Variants in ITGAV observed in about 807,000 individuals in gnomAD.
ITGAV encodes the protein integrin alpha-V.
Under a neutral mutation model 143.8 loss-of-function variants are expected in ITGAV, and 76 were observed. The observed-to-expected ratio is 0.53, with a 90% confidence interval of 0.44 to 0.64. The LOEUF (loss-of-function observed/expected upper bound fraction) is 0.64. Ranked by LOEUF, ITGAV falls within the 30% of genes least tolerant of loss-of-function variation. ITGAV has a pLI of 0.00. For synonymous variants in ITGAV, 453 were observed against 446.7 expected (o/e 1.01, Z -0.18); for missense variants, 1,193 against 1,274.7 (o/e 0.94, Z 0.98).
chr2:186,671,337 A>G (rs985224836), intron 26 of ITGAV, among the ~76,000 whole-genome samples: 6 of 151,844 alleles, frequency 4.0e-5, no homozygotes, highest in Admixed American at 3.9e-4. Flanking sequence ...TCTCCTTACT[A>G]TTCTCTTTCT....
chr2:186,666,660 A>C lies in ITGAV; in HGVS notation c.2167-44A>C, dbSNP rs761411267. 7 of 1,151,096 alleles carry C rather than the reference A, an allele frequency of 6.1e-6. No individual in the cohort carries two copies. The East Asian group carries it at 1.8e-4, about 30-fold the overall frequency. The allele number at this position is 1,151,096 out of a possible 1,614,324, so 71.3% of individuals were successfully genotyped here. On this transcript the variant is annotated intron_variant, in intron 21 of 29. Transcript: ENST00000261023. ...AGACATTGGATTTGAAATTTTGCTAATTAGACATTGACTAGCATTACTATC... is the reference window on the plus strand; with the variant it reads ...AGACATTGGATTTGAAATTTTGCTACTTAGACATTGACTAGCATTACTATC...
rs201898547 is a variant in ITGAV at position 186,659,093 on chromosome 2, G to A, written c.1775G>A (p.Arg592Gln). ...LTPITIFMEYRLDYRTAADTT... is the reference protein window; with the variant it reads ...LTPITIFMEYQLDYRTAADTT... ...CCAATTACTATTTTTATGGAATATCGGTTGGATTATAGAACAGCTGCTGAT... is the reference window on the plus strand; with the variant it reads ...CCAATTACTATTTTTATGGAATATCAGTTGGATTATAGAACAGCTGCTGAT... The change falls in exon 18 of 30, where the codon CGG becomes CAG. Residue 592 changes from arginine to glutamine, a missense_variant. By Grantham distance (43) the Arg-to-Gln change is conservative. Transcript: ENST00000261023. The A allele has an allele frequency of 7.5e-6, 12 of 1,610,288 alleles. No individual in the cohort carries two copies. In the South Asian group the frequency reaches 1.1e-4, roughly 15 times the overall value.
At chr2:186,599,698 G>A (rs1303040339) in intron 1 of ITGAV, among the ~76,000 whole-genome samples, 1 of 152,170 alleles carries the variant, frequency 6.6e-6, no homozygotes, top group African/African-American at 2.4e-5. Flanking sequence ...AGAGATGGGG[G>A]TCTTACTATG....
chr2:186,664,754 A>G, intron 20 of ITGAV, 113 bp downstream of exon 20: 1 of 1,270,170 alleles, frequency 7.9e-7, no homozygotes. Flanking sequence ...CTAAGGCTAA[A>G]TTGATAGACA....
rs1028736662 is a variant in ITGAV, at chr2:186,678,506, A to C, written c.*1214A>C. On this transcript the variant is annotated 3_prime_UTR_variant, in exon 30 of 30. Coordinates refer to ENST00000261023, the MANE Select transcript of ITGAV (RefSeq NM_002210.5). Reference sequence around the variant, plus strand: ...TGTAAAATCAGTCTCGGCTGTCAGAATAACTTCTAAAAGGTATTTTTATAA... The same window carrying C: ...TGTAAAATCAGTCTCGGCTGTCAGACTAACTTCTAAAAGGTATTTTTATAA... 1.7e-5 allele frequency: 4 copies of C among 236,842 alleles called. No homozygotes were observed. The highest frequency in any genetic ancestry group is 9.3e-5 in the African/African-American group (4 of 42,972). 14.7% of individuals were successfully genotyped at this position (236,842 alleles called of 1,614,324 possible).
chr2:186,675,882 T>C lies in ITGAV; in HGVS notation c.2883T>C (p.Phe961=), dbSNP rs764532003. The change falls in exon 28 of 30, where the codon TTT becomes TTC. Residue 961 remains phenylalanine (F), a synonymous_variant. Transcript: ENST00000261023. ...KSSASFNVIE[F]PYKNLPIEDI... is the part of the protein sequence containing the mutation. ...CTGCTTCATTTAATGTCATAGAGTTTCCTTATAAGAATCTTCCAATTGAGG... is the reference window on the plus strand; with the variant it reads ...CTGCTTCATTTAATGTCATAGAGTTCCCTTATAAGAATCTTCCAATTGAGG... 2 of 1,609,186 alleles carry C rather than the reference T, an allele frequency of 1.2e-6. No individual in the cohort carries two copies. The highest frequency in any genetic ancestry group is 2.2e-5 in the South Asian group (2 of 90,668).
intron 12 of ITGAV, among the ~76,000 whole-genome samples, chr2:186,646,134 A>C (rs1014324401): frequency 1.3e-5 from 2 of 152,222 alleles, no homozygotes; most frequent in Non-Finnish European, 2.9e-5. Flanking sequence ...TTAAAGATTT[A>C]AAATGTTATT....
Position 186,590,352 on chromosome 2 carries a change from C to G in ITGAV, c.14C>G (p.Pro5Arg), listed in dbSNP as rs758858746. The G allele has an allele frequency of 1.3e-6, 2 of 1,583,638 alleles. No homozygotes were observed. Among genetic ancestry groups the G allele is most frequent in the Non-Finnish European group, 1.7e-6 (2 of 1,167,516 alleles). Residue 5 changes from proline (P) to arginine (R), a missense_variant, in exon 1 of 30, where the codon CCG becomes CGG. Pro to Arg is a moderately radical substitution (Grantham distance 103). Transcript: ENST00000261023. MAFPPRRRLRLGPRG... is the reference protein window; with the variant it reads MAFPRRRRLRLGPRG... ...CGCACTTCGGCGATGGCTTTTCCGCCGCGGCGACGGCTGCGCCTCGGTCCC... is the reference window on the plus strand; with the variant it reads ...CGCACTTCGGCGATGGCTTTTCCGCGGCGGCGACGGCTGCGCCTCGGTCCC...
At chr2:186,602,290 A>C in intron 2 of ITGAV, 139 bp downstream of exon 2, 1 of 600,058 alleles carries the variant, frequency 1.7e-6, no homozygotes, top group Non-Finnish European at 2.7e-6. Context: ...TATAAAGACA[A>C]ACGATTTATT....
At chr2:186,615,484 A>G (rs1010027154) in intron 2 of ITGAV, among the ~76,000 whole-genome samples, 1 of 152,000 alleles carries the variant, frequency 6.6e-6, no homozygotes, top group Non-Finnish European at 1.5e-5. Context: ...TCTTTTTTAT[A>G]TTATAATAAC....
intron 1 of ITGAV, among the ~76,000 whole-genome samples, chr2:186,596,049 A>T (rs1184249880): frequency 6.6e-6 from 1 of 152,240 alleles, no homozygotes; most frequent in Non-Finnish European, 1.5e-5. Context: ...GGAATAACTT[A>T]TTAATGGCAT....
At position 186,641,534 on chromosome 2, in the gene ITGAV, C is replaced by A; in HGVS notation, c.1105C>A (p.Arg369=). The change falls in exon 12 of 30, where the codon CGG becomes AGG. Residue 369 remains arginine, a synonymous_variant. Transcript: ENST00000261023. ...TKLNGFEVFA[R]FGSAIAPLGD... ...GCTGAATGGATTTGAGGTCTTTGCA[C>A]GGTTTGGCAGTGCCATAGCTCCTTT... 1 of 1,614,100 alleles carries A rather than the reference C, an allele frequency of 6.2e-7. No homozygotes were observed. Among genetic ancestry groups the A allele is most frequent in the East Asian group, 2.2e-5 (1 of 44,868 alleles).
Position 186,590,349 on chromosome 2 carries a change from C to T in ITGAV, c.11C>T (p.Pro4Leu), listed in dbSNP as rs748781253. 1.9e-6 allele frequency: 3 copies of T among 1,583,324 alleles called. No individual in the cohort carries two copies. Among genetic ancestry groups the T allele is most frequent in the South Asian group, 1.1e-5 (1 of 88,362 alleles). Residue 4 changes from proline to leucine, a missense_variant, in exon 1 of 30, where the codon CCG (proline) becomes CTG (leucine). By Grantham distance (98) the Pro-to-Leu change is moderately conservative. Transcript: ENST00000261023. ...GCGCGCACTTCGGCGATGGCTTTTC[C>T]GCCGCGGCGACGGCTGCGCCTCGGT... MAF[P>L]PRRRLRLGPR...
Position 186,679,715 on chromosome 2 carries a change from T to G in ITGAV, c.*2423T>G, listed in dbSNP as rs928571575. 3.3e-5 allele frequency: 5 copies of G among 151,994 alleles called. No individual in the cohort carries two copies. The highest frequency in any genetic ancestry group is 7.4e-5 in the Non-Finnish European group (5 of 67,888). 9.4% of individuals were successfully genotyped at this position (151,994 alleles called of 1,614,324 possible). A position where few individuals can be genotyped will look rare whatever the true frequency, so the allele number is the denominator to read the frequency against. ...AAGAAATATTGATACTGATATTGAT[T>G]TTTATATAGGTATTTATTTCAGAAT... On this transcript the variant is annotated 3_prime_UTR_variant, in exon 30 of 30. Transcript: ENST00000261023.
At chr2:186,632,896 A>C (rs1454377089) in intron 5 of ITGAV, among the ~76,000 whole-genome samples, 1 of 152,064 alleles carries the variant, frequency 6.6e-6, no homozygotes, top group Non-Finnish European at 1.5e-5. Flanking sequence ...TTTCTTTTAA[A>C]TTTTATTTTA....
intron 14 of ITGAV, 30 bp from the exon 15 acceptor site, chr2:186,651,952 T>C: frequency 7.5e-7 from 1 of 1,325,124 alleles, no homozygotes; most frequent in Non-Finnish European, 1.1e-6. Flanking sequence ...AATAATTTTT[T>C]ACTTCATCTT....
chr2:186,623,942 G>A (rs1687605065), intron 3 of ITGAV, among the ~76,000 whole-genome samples: 5 of 152,236 alleles, frequency 3.3e-5, no homozygotes, highest in South Asian at 4.1e-4. Context: ...ACTGCAAGAA[G>A]GACCAGAGTG....
At chr2:186,651,101 C>G (rs1688415616) in intron 14 of ITGAV, among the ~76,000 whole-genome samples, 2 of 152,158 alleles carry the variant, frequency 1.3e-5, no homozygotes, top group African/African-American at 4.8e-5. Context: ...TGTATTTCAT[C>G]AATTCCTCAT....
intron 12 of ITGAV, among the ~76,000 whole-genome samples, chr2:186,643,074 A>G (rs1054848167): frequency 3.9e-5 from 6 of 152,196 alleles, no homozygotes; most frequent in Non-Finnish European, 7.3e-5. Flanking sequence ...AAAGTTAATG[A>G]ATTCTTTGCT....
Sources: allele counts gnomAD v4.1 joint callset (sites outside exome capture counted in the v4.1 genomes callset), GRCh38; gene constraint gnomAD v4.1.1; transcripts MANE v1.5; gene names NCBI Gene and HGNC (gene_info 2026-07-23, HGNC 2026-07-21).